The following CTNNA3 variants were observed in gnomAD, a reference collection of about 807,000 sequenced individuals.
The protein encoded by CTNNA3 is catenin alpha 3.
Under a neutral mutation model 95.7 loss-of-function variants are expected in CTNNA3, and 76 were observed. The observed-to-expected ratio is 0.79, with a 90% CI of 0.66 to 0.96. The LOEUF is 0.96. CTNNA3 is among the 40% of genes least tolerant of loss of function. The pLI is 0.00. For synonymous variants in CTNNA3, 431 were observed against 374.4 expected, an observed-to-expected ratio of 1.15 and a Z score of -1.74; for missense variants, 1,191 against 1,089.8, an observed-to-expected ratio of 1.09 and a Z score of -1.31.
At chr10:66,437,925 T>C (rs1489046559) in intron 11 of CTNNA3, among the ~76,000 whole-genome samples, 2 of 152,178 alleles carry the variant, frequency 1.3e-5, no homozygotes, top group South Asian at 2.1e-4. Context: ...TTGCTTTCTG[T>C]TTGTTAGTTT....
rs1214923102 is a variant in CTNNA3, at chr10:65,918,833, C to G, written c.*1497G>C. ...TGCTTAAGATTCCACACATATCGTA[C>G]TGTCAATCTTTATGCTTTTCTATGT... On this transcript the variant is annotated 3_prime_UTR_variant, in exon 18 of 18. Coordinates refer to ENST00000433211, the MANE Select transcript of CTNNA3 (RefSeq NM_013266.4). The G allele has an allele frequency of 1.3e-5, 2 of 152,132 alleles. No individual in the cohort carries two copies. 9.4% of individuals were successfully genotyped at this position (152,132 alleles called of 1,614,324 possible).
At chr10:67,274,123 T>A (rs530340490) in intron 5 of CTNNA3, among the ~76,000 whole-genome samples, 1 of 152,128 alleles carries the variant, frequency 6.6e-6, no homozygotes, top group South Asian at 2.1e-4. Context: ...TTGATAAGCA[T>A]AAATTAGAGT....
At chr10:67,235,196 G>A (rs979721039) in intron 5 of CTNNA3, among the ~76,000 whole-genome samples, 16 of 152,052 alleles carry the variant, frequency 1.1e-4, no homozygotes, top group Admixed American at 5.9e-4. Context: ...AAAAGAGCCC[G>A]CATCGCCAAG....
intron 16 of CTNNA3, among the ~76,000 whole-genome samples, chr10:65,969,374 A>T (rs891930556): frequency 2.6e-5 from 4 of 152,186 alleles, no homozygotes; most frequent in African/African-American, 9.7e-5. Context: ...TGAAAATTCA[A>T]AATGTAGTGA....
At chr10:67,321,606 T>C (rs1841322538) in intron 5 of CTNNA3, among the ~76,000 whole-genome samples, 1 of 152,196 alleles carries the variant, frequency 6.6e-6, no homozygotes, top group Non-Finnish European at 1.5e-5. Flanking sequence ...TTCATGAGAC[T>C]GGTTTCAGAG....
At chr10:67,732,794 T>G (rs1266029724) in intron 1 of CTNNA3, among the ~76,000 whole-genome samples, 2 of 152,252 alleles carry the variant, frequency 1.3e-5, no homozygotes, top group Middle Eastern at 3.4e-3. Context: ...AAACTCAGTA[T>G]CAACACAGTG....
At chr10:66,856,165 C>G (rs1361377015) in intron 7 of CTNNA3, among the ~76,000 whole-genome samples, 1 of 151,934 alleles carries the variant, frequency 6.6e-6, no homozygotes, top group Admixed American at 6.6e-5. Flanking sequence ...TAAGTGAGAA[C>G]GTGTGGTATT....
chr10:66,658,243 T>TCC (rs773177737), intron 9 of CTNNA3, among the ~76,000 whole-genome samples: 1 of 138,812 alleles, frequency 7.2e-6, no homozygotes, highest in African/African-American at 2.5e-5. Context: ...TCTCTCTCTC[T>TCC]CCCCCTCCCT....
intron 1 of CTNNA3, among the ~76,000 whole-genome samples, chr10:67,751,948 A>G (rs1388490599): frequency 6.6e-6 from 1 of 152,082 alleles, no homozygotes; most frequent in Non-Finnish European, 1.5e-5. Flanking sequence ...ACTGAAAAGG[A>G]GGGACTTTTC....
chr10:66,857,492 T>C (rs1312389392), intron 7 of CTNNA3, among the ~76,000 whole-genome samples: 4 of 152,074 alleles, frequency 2.6e-5, no homozygotes, highest in Non-Finnish European at 4.4e-5. Context: ...CGTAAATTGC[T>C]TTGGGAAGTA....
At chr10:67,307,698 C>T (rs1465172031) in intron 5 of CTNNA3, among the ~76,000 whole-genome samples, 1 of 152,128 alleles carries the variant, frequency 6.6e-6, no homozygotes, top group Non-Finnish European at 1.5e-5. Context: ...TGCCTATCAC[C>T]TCTTTCTAAG....
chr10:67,343,928 T>C (rs1842313060), intron 5 of CTNNA3, among the ~76,000 whole-genome samples: 1 of 147,984 alleles, frequency 6.8e-6, no homozygotes, highest in South Asian at 2.1e-4. Flanking sequence ...TATTTTATAT[T>C]TTATTATATT....
intron 5 of CTNNA3, among the ~76,000 whole-genome samples, chr10:67,490,332 G>A (rs1222333286): frequency 6.6e-6 from 1 of 152,122 alleles, no homozygotes; most frequent in Non-Finnish European, 1.5e-5. Context: ...AAACATTTAT[G>A]ATCGAATTCT....
intron 15 of CTNNA3, among the ~76,000 whole-genome samples, chr10:66,029,779 C>A (rs2079414347): frequency 6.6e-6 from 1 of 152,046 alleles, no homozygotes; most frequent in African/African-American, 2.4e-5. Context: ...ATAGAAGGTG[C>A]CCTGTAACTA....
At chr10:66,186,301 TGTGA>T (rs1407970114) in intron 13 of CTNNA3, among the ~76,000 whole-genome samples, 1 of 151,706 alleles carries the variant, frequency 6.6e-6, no homozygotes, top group African/African-American at 2.4e-5. Flanking sequence ...TGTGTGTGTG[TGTGA>T]GAGATAGAGA....
chr10:66,782,901 A>C (rs1840596577), intron 7 of CTNNA3, among the ~76,000 whole-genome samples: 1 of 152,170 alleles, frequency 6.6e-6, no homozygotes, highest in African/African-American at 2.4e-5. Flanking sequence ...TAACCTGTGA[A>C]TCAGAAAATG....
rs545053842 is a variant in CTNNA3 at position 66,195,618 on chromosome 10, C to A, written c.1884+84852G>T. Among the ~76,000 whole-genome samples, 114 of 152,134 alleles carry A rather than the reference C, an allele frequency of 7.5e-4. 1 individual carries two copies. The highest frequency in any genetic ancestry group is 1.4e-3 in the Non-Finnish European group (95 of 68,026). On this transcript the variant is annotated intron_variant, in intron 13 of 17. Transcript: ENST00000433211. ...GTCCAGGAGTTTCCACATGAGAGAG[C>A]AAACTTGGGCAAGTCTTTGAATGCA...
intron 15 of CTNNA3, among the ~76,000 whole-genome samples, chr10:66,034,276 CT>C (rs1237776113): frequency 6.6e-6 from 1 of 151,884 alleles, no homozygotes; most frequent in African/African-American, 2.4e-5. Context: ...GAAGCATTAC[CT>C]GAAAATATTT....
chr10:66,033,420 C>T (rs886394679), intron 15 of CTNNA3, among the ~76,000 whole-genome samples: 9 of 152,152 alleles, frequency 5.9e-5, no homozygotes, highest in Non-Finnish European at 1.2e-4. Context: ...CAGGCGTGAG[C>T]CACTGTGCCC....
Sources: gnomAD v4.1 joint callset for allele counts (sites outside exome capture counted in the v4.1 genomes callset) on GRCh38, gnomAD v4.1.1 for gene constraint, MANE v1.5 for transcripts, NCBI Gene and HGNC (gene_info 2026-07-23, HGNC 2026-07-21) for gene names.